ERGIC2: variants seen among roughly 807,000 people sequenced by gnomAD.
ERGIC2 encodes the protein endoplasmic reticulum-Golgi intermediate compartment protein 2.
A neutral mutation model predicts 52.5 loss-of-function variants in ERGIC2; 31 were observed. The observed-to-expected ratio is 0.59, with a 90% CI of 0.44 to 0.80. The LOEUF (loss-of-function observed/expected upper bound fraction) is 0.80, where lower values mean the gene tolerates loss of function less well. ERGIC2 is among the 30% of genes least tolerant of loss of function. ERGIC2 has a pLI of 0.00. For missense variants in ERGIC2, 395 were observed against 455.2 expected, an observed-to-expected ratio of 0.87 and a Z score of 1.20; for synonymous variants, 129 against 140.6, an observed-to-expected ratio of 0.92 and a Z score of 0.58.
intron 5 of ERGIC2, among the ~76,000 whole-genome samples, chr12:29,362,826 T>C (rs1940305428): frequency 1.3e-5 from 2 of 152,152 alleles, no homozygotes; most frequent in African/African-American, 4.8e-5. Flanking sequence ...CCAAACCTTT[T>C]TCACATTATA....
intron 1 of ERGIC2, among the ~76,000 whole-genome samples, chr12:29,379,984 C>G (rs1182337334): frequency 1.3e-5 from 2 of 151,680 alleles, no homozygotes; most frequent in East Asian, 3.9e-4. Flanking sequence ...ATCTTTCAAA[C>G]TTGATATATT....
chr12:29,373,432 GTC>G (rs1182574647), intron 1 of ERGIC2, among the ~76,000 whole-genome samples: 1 of 152,156 alleles, frequency 6.6e-6, no homozygotes, highest in African/African-American at 2.4e-5. Context: ...GAGAAATAAT[GTC>G]TCTGGAAGAG....
In ERGIC2 at chr12:29,379,940, G is replaced by A. The variant is rs773170983; in HGVS notation, c.-38+1175C>T. On this transcript the variant is annotated intron_variant, in intron 1 of 13. Transcript: ENST00000360150. ...GGTTGTTGTTGTTTCCCTAACTCTC[G>A]TTGTTCCAGACTAGGCCTGATTTCC... 8.6e-5 allele frequency among the ~76,000 whole-genome samples: 13 copies of A among 151,836 alleles called. No homozygotes were observed. The South Asian group carries it at 2.3e-3, about 27-fold the overall frequency.
intron 1 of ERGIC2, among the ~76,000 whole-genome samples, chr12:29,373,878 T>C (rs938450512): frequency 5.3e-5 from 8 of 152,232 alleles, no homozygotes; most frequent in East Asian, 1.9e-4. Context: ...ATGTTTGTTA[T>C]GTATATGCCA....
At chr12:29,378,681 C>G (rs537565770) in intron 1 of ERGIC2, among the ~76,000 whole-genome samples, 2 of 151,464 alleles carry the variant, frequency 1.3e-5, no homozygotes, top group African/African-American at 4.8e-5. Context: ...TTTGTTTACC[C>G]CAACATAATT....
rs2136852516 is a variant in ERGIC2, at chr12:29,346,689, G to T, written c.728-1149C>A. Among the ~76,000 whole-genome samples the T allele has an allele frequency of 1.3e-5, 2 of 152,234 alleles. 1 individual carries two copies. ...AGAAACTACTCAATGATGGCCTGGGGTTACTGTATAATCAAAAGGATCATT... is the reference window on the plus strand; with the variant it reads ...AGAAACTACTCAATGATGGCCTGGGTTTACTGTATAATCAAAAGGATCATT... On this transcript the variant is annotated intron_variant, in intron 10 of 13. Coordinates refer to ENST00000360150, the MANE Select transcript of ERGIC2 (RefSeq NM_016570.3).
intron 3 of ERGIC2, among the ~76,000 whole-genome samples, chr12:29,368,557 C>G (rs1940395895): frequency 6.6e-6 from 1 of 151,800 alleles, no homozygotes; most frequent in Non-Finnish European, 1.5e-5. Flanking sequence ...CTCTAAGCAA[C>G]TCAGAAAAAG....
chr12:29,380,011 G>A (rs1940564328), intron 1 of ERGIC2, among the ~76,000 whole-genome samples: 1 of 150,962 alleles, frequency 6.6e-6, no homozygotes, highest in African/African-American at 2.4e-5. Context: ...ATTTGTACCA[G>A]GAAGCCATTA....
chr12:29,341,322 C>A, intron 13 of ERGIC2, 104 bp from the exon 14 acceptor site: 1 of 839,720 alleles, frequency 1.2e-6, no homozygotes, highest in Non-Finnish European at 1.9e-6. Flanking sequence ...TTCTAGTAAC[C>A]AAAAGCTACT....
intron 8 of ERGIC2, among the ~76,000 whole-genome samples, chr12:29,351,455 T>C (rs964628312): frequency 6.6e-5 from 10 of 152,186 alleles, no homozygotes; most frequent in African/African-American, 2.2e-4. Flanking sequence ...AGGCGATTCA[T>C]AGATACTAAT....
intron 11 of ERGIC2, among the ~76,000 whole-genome samples, chr12:29,343,984 T>C (rs1949859098): frequency 1.3e-5 from 2 of 152,168 alleles, no homozygotes; most frequent in Admixed American, 1.3e-4. Context: ...AAAACTATTT[T>C]AGTCACCCTA....
chr12:29,346,918 T>C (rs930648179), intron 10 of ERGIC2, among the ~76,000 whole-genome samples: 5 of 152,218 alleles, frequency 3.3e-5, no homozygotes, highest in Non-Finnish European at 7.3e-5. Context: ...ATGTTTTTAT[T>C]ATCCTTTTGT....
At position 29,341,211 on chromosome 12, in the gene ERGIC2, A is replaced by G. The variant is rs376183544; in HGVS notation, c.1079T>C (p.Phe360Ser). 85 of 1,607,622 alleles carry G rather than the reference A, an allele frequency of 5.3e-5. No homozygotes were observed. Among genetic ancestry groups the G allele is most frequent in the Non-Finnish European group, 6.5e-5 (76 of 1,176,204 alleles). ...GSYKPVNSVP[F>S]EDGHTDNHLP... ...GTGGTTGTCTGTGTGGCCATCCTCA[A>G]AAGGAACCTAAGGAGAAAAGGAGGG... Residue 360 changes from phenylalanine (F) to serine (S), a missense_variant, in exon 14 of 14, where the codon TTT (phenylalanine) becomes TCT (serine). By Grantham distance (155) the Phe-to-Ser change is radical. Transcript: ENST00000360150.
At chr12:29,353,249 C>T (rs947928418) in intron 8 of ERGIC2, among the ~76,000 whole-genome samples, 1 of 152,154 alleles carries the variant, frequency 6.6e-6, no homozygotes, top group Non-Finnish European at 1.5e-5. Context: ...CTCGTAAATT[C>T]TTCTGTGTTC....
intron 5 of ERGIC2, among the ~76,000 whole-genome samples, chr12:29,362,733 T>C (rs1236162229): frequency 2.0e-5 from 3 of 152,208 alleles, no homozygotes; most frequent in Admixed American, 6.5e-5. Flanking sequence ...TTTATATAAC[T>C]ATATGCTTCA....
intron 12 of ERGIC2, among the ~76,000 whole-genome samples, chr12:29,342,272 C>T (rs917009310): frequency 6.6e-6 from 1 of 152,202 alleles, no homozygotes; most frequent in Admixed American, 6.5e-5. Flanking sequence ...CCTTGGCCTC[C>T]CAAAGTGTTG....
chr12:29,358,602 T>C (rs1395405555), intron 6 of ERGIC2, among the ~76,000 whole-genome samples: 1 of 152,140 alleles, frequency 6.6e-6, no homozygotes, highest in Non-Finnish European at 1.5e-5. Flanking sequence ...AAGTTGTTGA[T>C]AATGGGGGAA....
intron 3 of ERGIC2, 64 bp downstream of exon 3, chr12:29,370,050 A>C: frequency 7.4e-7 from 1 of 1,350,638 alleles, no homozygotes; most frequent in Non-Finnish European, 9.6e-7. Flanking sequence ...TCTTTTTTAA[A>C]AGGTATGCTC....
In ERGIC2 at chr12:29,381,118, G is replaced by C. The variant is rs1190593537; in HGVS notation, c.-41C>G. On this transcript the variant is annotated 5_prime_UTR_variant, in exon 1 of 14. Transcript: ENST00000360150. ...CAGCGGTGTTTCAGTATTTTACCTT[G>C]TGTTATGGTCCCAGCCTACCGCCAT... 6.6e-6 allele frequency: 1 copy of C among 152,204 alleles called. No individual in the cohort carries two copies. Among genetic ancestry groups the C allele is most frequent in the Non-Finnish European group, 1.5e-5 (1 of 68,048 alleles). The allele number at this position is 152,204 out of a possible 1,614,324, so 9.4% of individuals were successfully genotyped here. A position where few individuals can be genotyped will look rare whatever the true frequency, so the allele number is the denominator to read the frequency against.
Sources: allele counts gnomAD v4.1 joint callset (sites outside exome capture counted in the v4.1 genomes callset), GRCh38; gene constraint gnomAD v4.1.1; transcripts MANE v1.5; gene names NCBI Gene and HGNC (gene_info 2026-07-23, HGNC 2026-07-21).